Variants in ADAM22 observed in about 807,000 individuals in gnomAD.
The protein encoded by ADAM22 is disintegrin and metalloproteinase domain-containing protein 22.
Under a neutral mutation model 144.6 loss-of-function variants are expected in ADAM22, and 65 were observed. The ratio of observed to expected loss-of-function variants is 0.45; its 90% confidence interval spans 0.37 to 0.55. ADAM22 has a LOEUF of 0.55. Among genes scored for constraint, ADAM22 ranks in the 20% least tolerant of loss-of-function variants. ADAM22 has a pLI of 0.00. For synonymous variants in ADAM22, 391 were observed against 412.6 expected (o/e 0.95, Z 0.63); for missense variants, 974 against 1,184.9 (o/e 0.82, Z 2.61).
At chr7:88,114,559 C>G in intron 5 of ADAM22, 25 bp from the exon 6 acceptor site, 1 of 1,610,894 alleles carries the variant, frequency 6.2e-7, no homozygotes, top group Non-Finnish European at 8.5e-7. Flanking sequence ...ATGGCCATGC[C>G]TAATTATTTT....
intron 2 of ADAM22, among the ~76,000 whole-genome samples, chr7:87,941,264 G>A (rs916510927): frequency 6.6e-6 from 1 of 152,182 alleles, no homozygotes; most frequent in Non-Finnish European, 1.5e-5. Context: ...TTGATAACCA[G>A]TAACAAATGG....
intron 3 of ADAM22, among the ~76,000 whole-genome samples, chr7:88,074,157 T>C (rs1813562892): frequency 6.6e-6 from 1 of 152,138 alleles, no homozygotes; most frequent in Admixed American, 6.5e-5. Flanking sequence ...AAGTATCAAT[T>C]GTGTCGAAGC....
At chr7:87,976,159 C>T (rs561012034) in intron 2 of ADAM22, among the ~76,000 whole-genome samples, 23 of 152,156 alleles carry the variant, frequency 1.5e-4, no homozygotes, top group African/African-American at 5.3e-4. Context: ...GTGATATTGA[C>T]CTGTAGTGAG....
At chr7:88,193,725 C>T (rs946891382) in intron 31 of ADAM22, among the ~76,000 whole-genome samples, 3 of 152,180 alleles carry the variant, frequency 2.0e-5, no homozygotes, top group African/African-American at 7.2e-5. Flanking sequence ...CTGTAATGTT[C>T]ATCTTCTTAG....
intron 2 of ADAM22, among the ~76,000 whole-genome samples, chr7:87,972,528 A>G (rs1208881892): frequency 2.0e-5 from 3 of 152,204 alleles, no homozygotes; most frequent in Admixed American, 2.0e-4. Flanking sequence ...TTATAGATTC[A>G]ATGCCATCCC....
intron 2 of ADAM22, among the ~76,000 whole-genome samples, chr7:87,939,024 GAC>G (rs1241333976): frequency 2.0e-5 from 3 of 152,210 alleles, no homozygotes; most frequent in Non-Finnish European, 4.4e-5. Context: ...AGAGATAAAA[GAC>G]ACAGTTTTCT....
chr7:88,029,161 C>A (rs1223109284), intron 3 of ADAM22, among the ~76,000 whole-genome samples: 1 of 150,566 alleles, frequency 6.6e-6, no homozygotes, highest in South Asian at 2.1e-4. Context: ...ATGGTCTTTT[C>A]TTCCTTTCTG....
chr7:88,166,436 GA>G (rs1563373437), intron 24 of ADAM22, among the ~76,000 whole-genome samples: 1 of 152,070 alleles, frequency 6.6e-6, no homozygotes, highest in Non-Finnish European at 1.5e-5. Flanking sequence ...GGGGCTTTAA[GA>G]ACATGGATAA....
At chr7:88,030,825 T>G (rs1800066309) in intron 3 of ADAM22, among the ~76,000 whole-genome samples, 1 of 152,102 alleles carries the variant, frequency 6.6e-6, no homozygotes, top group South Asian at 2.1e-4. Flanking sequence ...CTGATTAAAC[T>G]TCTTCTCTCG....
At chr7:87,965,449 G>A (rs974767881) in intron 2 of ADAM22, among the ~76,000 whole-genome samples, 1 of 152,210 alleles carries the variant, frequency 6.6e-6, no homozygotes, top group Admixed American at 6.5e-5. Flanking sequence ...ATGTAAATGT[G>A]TGAGCAGAAC....
chr7:87,968,261 T>C (rs1849616480), intron 2 of ADAM22, among the ~76,000 whole-genome samples: 1 of 152,236 alleles, frequency 6.6e-6, no homozygotes, highest in African/African-American at 2.4e-5. Flanking sequence ...AACTGTTGGC[T>C]ATACCTTAGA....
intron 21 of ADAM22, 89 bp from the exon 22 acceptor site, chr7:88,155,798 C>A (rs889941751): frequency 2.6e-5 from 39 of 1,472,376 alleles, no homozygotes; most frequent in Non-Finnish European, 2.9e-5. Context: ...TGATGAAAAC[C>A]AAATGCTAAA....
At chr7:88,163,213 C>A in intron 23 of ADAM22, 33 bp downstream of exon 23, 1 of 1,524,886 alleles carries the variant, frequency 6.6e-7, no homozygotes, top group Non-Finnish European at 8.8e-7. Context: ...GAATCTATTT[C>A]TTTTATATCA....
At chr7:88,056,665 C>T (rs954425512) in intron 3 of ADAM22, among the ~76,000 whole-genome samples, 1 of 152,146 alleles carries the variant, frequency 6.6e-6, no homozygotes, top group Admixed American at 6.6e-5. Flanking sequence ...ATGATGTTTT[C>T]TCCTTTTCCA....
intron 4 of ADAM22, among the ~76,000 whole-genome samples, chr7:88,086,036 C>T (rs1039724297): frequency 2.6e-5 from 4 of 152,124 alleles, no homozygotes; most frequent in Non-Finnish European, 2.9e-5. Context: ...ATTAGCTGGG[C>T]GTGGTGGCAT....
At chr7:88,100,083 G>T (rs1321320546) in intron 4 of ADAM22, among the ~76,000 whole-genome samples, 1 of 152,002 alleles carries the variant, frequency 6.6e-6, no homozygotes, top group African/African-American at 2.4e-5. Flanking sequence ...ATATACTAAA[G>T]AAATATAAGA....
At chr7:88,130,097 A>G (rs1044351877) in intron 9 of ADAM22, among the ~76,000 whole-genome samples, 2 of 150,580 alleles carry the variant, frequency 1.3e-5, no homozygotes, top group African/African-American at 2.4e-5. Flanking sequence ...AACAATCCCA[A>G]TAAAAATAAA....
At chr7:88,059,120 C>T (rs557377972) in intron 3 of ADAM22, among the ~76,000 whole-genome samples, 9 of 152,098 alleles carry the variant, frequency 5.9e-5, no homozygotes, top group Non-Finnish European at 1.2e-4. Context: ...GCTGTCCAAC[C>T]AGGAGATTGG....
chr7:88,016,084 A>G (rs775070875), intron 3 of ADAM22, among the ~76,000 whole-genome samples: 76 of 152,286 alleles, frequency 5.0e-4, no homozygotes, highest in African/African-American at 1.6e-3. Flanking sequence ...GATTATTACA[A>G]ATGAGGAGTC....
Sources: allele counts gnomAD v4.1 joint callset (sites outside exome capture counted in the v4.1 genomes callset), GRCh38; gene constraint gnomAD v4.1.1; transcripts MANE v1.5; gene names NCBI Gene and HGNC (gene_info 2026-07-23, HGNC 2026-07-21).